The following PHF20 variants were observed in gnomAD, a reference collection of about 807,000 sequenced individuals.
The protein encoded by PHF20 is glioma-expressed antigen 2.
PHF20 carries 23 observed loss-of-function variants against 113.5 expected under a neutral mutation model. The observed-to-expected ratio is 0.20, with a 90% CI of 0.15 to 0.29. The LOEUF (loss-of-function observed/expected upper bound fraction) is 0.29. PHF20 is among the 10% of genes least tolerant of loss of function. The pLI, the probability that PHF20 is intolerant of heterozygous loss-of-function variation, is 1.00. For synonymous variants in PHF20, 434 were observed against 457.3 expected (o/e 0.95, Z 0.65); for missense variants, 943 against 1,219.6 (o/e 0.77, Z 3.38).
At chr20:35,843,734 C>T (rs1461147580) in intron 3 of PHF20, among the ~76,000 whole-genome samples, 1 of 152,014 alleles carries the variant, frequency 6.6e-6, no homozygotes, top group South Asian at 2.1e-4. Context: ...GGGCCCACCA[C>T]ACCCGGCTAA....
Position 35,787,641 on chromosome 20 carries a change from A to G in PHF20, c.-32-13850A>G, listed in dbSNP as rs1227904724. ...GTAGCTGGGATTACAGGGAAGCACCACCATGCCAGTTAATTTTGTATTTTT... is the reference window on the plus strand; with the variant it reads ...GTAGCTGGGATTACAGGGAAGCACCGCCATGCCAGTTAATTTTGTATTTTT... On this transcript the variant is annotated intron_variant, in intron 1 of 17. Transcript: ENST00000374012. Among the ~76,000 whole-genome samples, 10 of 146,192 alleles carry G rather than the reference A, an allele frequency of 6.8e-5. No individual in the cohort carries two copies. The Admixed American group carries it at 7.0e-4, about 10-fold the overall frequency.
chr20:35,785,521 C>T (rs923810187), intron 1 of PHF20, among the ~76,000 whole-genome samples: 9 of 151,296 alleles, frequency 5.9e-5, no homozygotes, highest in Admixed American at 5.9e-4. Flanking sequence ...GGTTTCACCA[C>T]GTTGGCCAGG....
intron 2 of PHF20, among the ~76,000 whole-genome samples, chr20:35,823,422 G>T (rs1417871062): frequency 6.8e-6 from 1 of 146,092 alleles, no homozygotes; most frequent in Non-Finnish European, 1.5e-5. Context: ...GCAACATAAT[G>T]GGACTTCGTC....
rs748263817 is a variant in PHF20 at position 35,899,407 on chromosome 20, A to G, written c.1320A>G (p.Ser440=). 1 of 1,612,766 alleles carries G rather than the reference A, an allele frequency of 6.2e-7. No homozygotes were observed. The highest frequency in any genetic ancestry group is 1.7e-5 in the Admixed American group (1 of 59,962). The part of the protein sequence containing the change: ...NTFKKTDDFG[S]SNAPAVDLDH... ...TTAAGAAAACAGATGATTTTGGGTC[A>G]TCTAATGCACCAGCTGTCGACCTAG... The change falls in exon 10 of 18, where the codon TCA becomes TCG. Residue 440 remains serine, a synonymous_variant. Transcript: ENST00000374012.
intron 15 of PHF20, among the ~76,000 whole-genome samples, chr20:35,935,021 T>TA (rs1191530333): frequency 4.0e-4 from 61 of 151,878 alleles, no homozygotes; most frequent in African/African-American, 1.4e-3. Context: ...TATATTTCTT[T>TA]AAAAAAAAAT....
At chr20:35,946,772 C>T (rs777556214) in intron 17 of PHF20, among the ~76,000 whole-genome samples, 1 of 151,406 alleles carries the variant, frequency 6.6e-6, no homozygotes, top group Admixed American at 6.6e-5. Context: ...TGCAGTGGCA[C>T]GATCTCGGCT....
At chr20:35,789,532 A>C (rs930927928) in intron 1 of PHF20, among the ~76,000 whole-genome samples, 1 of 151,578 alleles carries the variant, frequency 6.6e-6, no homozygotes, top group South Asian at 2.1e-4. Context: ...AAGAACAGTA[A>C]TAACCCTTTT....
At chr20:35,816,698 C>T (rs574835105) in intron 2 of PHF20, among the ~76,000 whole-genome samples, 5 of 151,558 alleles carry the variant, frequency 3.3e-5, no homozygotes, top group South Asian at 2.1e-4. Flanking sequence ...ATGATTCGCC[C>T]GCCTCAGCCT....
At chr20:35,923,647 C>T (rs2055564505) in intron 13 of PHF20, among the ~76,000 whole-genome samples, 1 of 152,222 alleles carries the variant, frequency 6.6e-6, no homozygotes. Context: ...CTTGTATATC[C>T]TTCCAGAAAC....
At chr20:35,904,097 G>A (rs929556821) in intron 10 of PHF20, among the ~76,000 whole-genome samples, 1 of 152,018 alleles carries the variant, frequency 6.6e-6, no homozygotes, top group East Asian at 1.9e-4. Context: ...AGTTCAGTTG[G>A]GGAGACGTTT....
chr20:35,900,984 A>G (rs2055084296), intron 10 of PHF20, among the ~76,000 whole-genome samples: 1 of 152,094 alleles, frequency 6.6e-6, no homozygotes, highest in African/African-American at 2.4e-5. Context: ...AGGACTGGAA[A>G]CTGGGCAGGA....
chr20:35,791,077 T>A (rs937874316), intron 1 of PHF20, among the ~76,000 whole-genome samples: 4 of 152,216 alleles, frequency 2.6e-5, no homozygotes, highest in Middle Eastern at 3.4e-3. Context: ...CAGGCTGGTC[T>A]TGAACTCCTG....
chr20:35,947,354 CATGGAGG>C lies in PHF20; in HGVS notation c.2897-130_2897-124del. On this transcript the variant is annotated intron_variant, in intron 17 of 17. Coordinates refer to ENST00000374012, the MANE Select transcript of PHF20 (RefSeq NM_016436.5). Reference sequence around the variant, plus strand: ...TGAAATGGCCCTTCCTCCCTTGCCCCATGGAGGCTGAAATGGCCCTTCCTCCCTTGCC... The same window carrying C: ...TGAAATGGCCCTTCCTCCCTTGCCCCCTGAAATGGCCCTTCCTCCCTTGCC... 6.1e-6 allele frequency: 5 copies of C among 823,392 alleles called. 1 individual carries two copies. The highest frequency in any genetic ancestry group is 3.7e-6 in the Non-Finnish European group (2 of 539,706). The allele number at this position is 823,392 out of a possible 1,614,324, so 51.0% of individuals were successfully genotyped here. A position where few individuals can be genotyped will look rare whatever the true frequency, so the allele number is the denominator to read the frequency against.
rs1250181965 is a variant in PHF20 at position 35,948,507 on chromosome 20, T to G, written c.*880T>G. On this transcript the variant is annotated 3_prime_UTR_variant, in exon 18 of 18. Coordinates refer to ENST00000374012, the MANE Select transcript of PHF20 (RefSeq NM_016436.5). ...ATGTGGTTTGGGGAATTACCTTATT[T>G]TATATTGTTGTAAACAAACTTCAAA... The G allele has an allele frequency of 2.0e-5, 3 of 152,692 alleles. No individual in the cohort carries two copies. Among genetic ancestry groups the G allele is most frequent in the African/African-American group, 4.8e-5 (2 of 41,466 alleles). 9.5% of individuals were successfully genotyped at this position (152,692 alleles called of 1,614,324 possible).
At chr20:35,817,414 C>T (rs147394466) in intron 2 of PHF20, among the ~76,000 whole-genome samples, 7,266 of 151,946 alleles carry the variant, frequency 0.048, 213 homozygotes, top group African/African-American at 0.089. Flanking sequence ...CTTGATCTCC[C>T]GACCTCAGGT....
intron 9 of PHF20, among the ~76,000 whole-genome samples, chr20:35,889,047 C>T (rs1345312635): frequency 1.6e-5 from 2 of 127,860 alleles, no homozygotes; most frequent in Non-Finnish European, 3.1e-5. Flanking sequence ...AATGGAGTCT[C>T]GCTGTGTCAC....
At position 35,814,895 on chromosome 20, in the gene PHF20, AT is replaced by A. The variant is rs1319661725; in HGVS notation, c.83+13291del. Among the ~76,000 whole-genome samples, 52 of 148,304 alleles carry A rather than the reference AT, an allele frequency of 3.5e-4. 1 individual carries two copies. The highest frequency in any genetic ancestry group is 9.9e-4 in the East Asian group (5 of 5,056). ...CTCAAAAAAAAAAAAAAAAAATAAA[AT>A]AAATAAATAAATAAATAGGCCATGC... On this transcript the variant is annotated intron_variant, in intron 2 of 17. Coordinates refer to ENST00000374012, the MANE Select transcript of PHF20 (RefSeq NM_016436.5).
intron 2 of PHF20, among the ~76,000 whole-genome samples, chr20:35,821,446 G>A (rs1345265868): frequency 6.7e-6 from 1 of 150,074 alleles, no homozygotes; most frequent in Non-Finnish European, 1.5e-5. Context: ...AAAAAAAAAA[G>A]GGGCTGTGAG....
rs1481614813 is a variant in PHF20 at position 35,801,474 on chromosome 20, T to G, written c.-32-17T>G. The G allele has an allele frequency of 7.4e-7, 1 of 1,351,892 alleles. No individual in the cohort carries two copies. The allele number at this position is 1,351,892 out of a possible 1,614,324, so 83.7% of individuals were successfully genotyped here. On this transcript the variant is annotated splice_polypyrimidine_tract_variant and intron_variant, in intron 1 of 17. Transcript: ENST00000374012. Reference sequence around the variant, plus strand: ...GACTTTGCCTAAGTTTCATAAATATTTAATTGGCTTTTTCAGGAGAATAAA... The same window carrying G: ...GACTTTGCCTAAGTTTCATAAATATGTAATTGGCTTTTTCAGGAGAATAAA...
Sources: gnomAD v4.1 joint callset for allele counts (sites outside exome capture counted in the v4.1 genomes callset) on GRCh38, gnomAD v4.1.1 for gene constraint, MANE v1.5 for transcripts, NCBI Gene and HGNC (gene_info 2026-07-23, HGNC 2026-07-21) for gene names.